Variants in NRAP observed in about 807,000 individuals in gnomAD.
NRAP encodes nebulin related anchoring protein.
Under a neutral mutation model 225.9 loss-of-function variants are expected in NRAP, and 189 were observed. That is an observed-to-expected ratio of 0.84 (90% confidence interval 0.74 to 0.94). The LOEUF is 0.94. Ranked by LOEUF, NRAP falls within the 40% of genes least tolerant of loss-of-function variation. NRAP has a pLI of 0.00. For missense variants in NRAP, 2,176 were observed against 2,168.7 expected, an observed-to-expected ratio of 1.00 and a Z score of -0.07; for synonymous variants, 769 against 790.7, an observed-to-expected ratio of 0.97 and a Z score of 0.46.
intron 8 of NRAP, 26 bp from the exon 9 acceptor site, chr10:113,650,167 G>T (rs78495522): frequency 1.4e-6 from 2 of 1,455,782 alleles, no homozygotes; most frequent in Non-Finnish European, 1.9e-6. Context: ...GGACAAACTC[G>T]GTGAATTTGA....
At position 113,634,079 on chromosome 10, in the gene NRAP, C is replaced by G. The variant is rs780725787; in HGVS notation, c.1527+33G>C. 39 of 1,456,690 alleles carry G rather than the reference C, an allele frequency of 2.7e-5. 1 individual carries two copies. The South Asian group carries it at 4.1e-4, about 15-fold the overall frequency. 90.2% of individuals were successfully genotyped at this position (1,456,690 alleles called of 1,614,324 possible). The stretch of plus-strand genomic sequence containing the variant: ...GCCTCAAAGCAGCAATTTCAAGACC[C>G]CTACATCCAGCTGGGCAGGGACAGT... On this transcript the variant is annotated intron_variant, in intron 15 of 41. Coordinates refer to ENST00000359988, the MANE Select transcript of NRAP (RefSeq NM_198060.4).
intron 14 of NRAP, among the ~76,000 whole-genome samples, chr10:113,639,730 T>C (rs918876281): frequency 2.0e-5 from 3 of 152,206 alleles, no homozygotes; most frequent in Admixed American, 2.0e-4. Context: ...AGCCAAACCA[T>C]AAATAAAATC....
intron 17 of NRAP, 116 bp downstream of exon 17, chr10:113,631,741 G>A (rs759873993): frequency 1.8e-5 from 16 of 891,012 alleles, no homozygotes; most frequent in Non-Finnish European, 2.9e-5. Context: ...TCCAGAAGAA[G>A]ATTAAAGTAT....
At chr10:113,611,355 T>G (rs113400260) in intron 30 of NRAP, among the ~76,000 whole-genome samples, 1 of 152,194 alleles carries the variant, frequency 6.6e-6, no homozygotes, top group Non-Finnish European at 1.5e-5. Flanking sequence ...TCGCAGGCAC[T>G]GCCAAACCAG....
chr10:113,615,494 T>G (rs184961457), intron 27 of NRAP, among the ~76,000 whole-genome samples: 1 of 152,198 alleles, frequency 6.6e-6, no homozygotes, highest in Non-Finnish European at 1.5e-5. Context: ...TTCTTTCAAA[T>G]GAGCTGGACT....
intron 5 of NRAP, 124 bp from the exon 6 acceptor site, chr10:113,653,163 A>G: frequency 1.7e-6 from 1 of 589,712 alleles, no homozygotes. Context: ...AATCACCTGT[A>G]ATAAATTTAA....
In NRAP at chr10:113,652,922, C is replaced by G; in HGVS notation, c.570+13G>C. 6.3e-7 allele frequency: 1 copy of G among 1,584,638 alleles called. No homozygotes were observed. The highest frequency in any genetic ancestry group is 1.1e-5 in the South Asian group (1 of 89,384). ...TAGCATAATCAATGGTGAAAAAGCA[C>G]CCAGGCACTCACTTGGCTGGCCAGC... On this transcript the variant is annotated intron_variant, in intron 6 of 41. Transcript: ENST00000359988.
At position 113,617,354 on chromosome 10, in the gene NRAP, G is replaced by GGACA; in HGVS notation, c.2973+97_2973+100dup. On this transcript the variant is annotated intron_variant, in intron 26 of 41. Transcript: ENST00000359988. ...AGGACAGGGAGCGCCTTCATCCTTA[G>GGACA]GACAACAGAAGGAGCAAACCCAAGA... 5 of 771,188 alleles carry GGACA rather than the reference G, an allele frequency of 6.5e-6. 1 individual carries two copies. In the South Asian group the frequency reaches 7.6e-5, roughly 12 times the overall value. 47.8% of individuals were successfully genotyped at this position (771,188 alleles called of 1,614,324 possible). A position where few individuals can be genotyped will look rare whatever the true frequency, so the allele number is the denominator to read the frequency against.
chr10:113,623,697 GCA>G, intron 22 of NRAP, 61 bp from the exon 23 acceptor site: 1 of 1,048,184 alleles, frequency 9.5e-7, no homozygotes. Flanking sequence ...TCACGTGAGA[GCA>G]TTTCTCTAGA....
intron 18 of NRAP, among the ~76,000 whole-genome samples, chr10:113,631,203 C>T (rs1024317970): frequency 6.6e-6 from 1 of 152,190 alleles, no homozygotes; most frequent in African/African-American, 2.4e-5. Flanking sequence ...GGGTCTCGAC[C>T]AGTGTCTTGC....
intron 20 of NRAP, among the ~76,000 whole-genome samples, chr10:113,627,154 A>G (rs1298649932): frequency 6.6e-6 from 1 of 152,244 alleles, no homozygotes; most frequent in Non-Finnish European, 1.5e-5. Flanking sequence ...AAAGTTCTAG[A>G]GAAAACATTC....
rs1426552692 is a variant in NRAP, at chr10:113,624,873, C to T, written c.2302G>A (p.Glu768Lys). Residue 768 changes from glutamate to lysine, a missense_variant, in exon 22 of 42, where the codon GAG (glutamate) becomes AAG (lysine). This residue lies in a region of NRAP where 1,708 missense variants were observed against 1,695.5 expected (regional missense o/e 1.01). Coordinates refer to ENST00000359988, the MANE Select transcript of NRAP (RefSeq NM_198060.4). ...SVHQYTISKDEPLFLQARANA... is the reference protein window; with the variant it reads ...SVHQYTISKDKPLFLQARANA... ...GCTCGGGCCTGCAGGAAGAGAGGCTCGTCTTTGCTGATGGTATACTGATGG... is the reference window on the plus strand; with the variant it reads ...GCTCGGGCCTGCAGGAAGAGAGGCTTGTCTTTGCTGATGGTATACTGATGG... 4.3e-6 allele frequency: 7 copies of T among 1,613,980 alleles called. No homozygotes were observed. Among genetic ancestry groups the T allele is most frequent in the East Asian group, 2.2e-5 (1 of 44,890 alleles).
At chr10:113,654,765 G>A (rs867530437) in intron 4 of NRAP, among the ~76,000 whole-genome samples, 6 of 152,160 alleles carry the variant, frequency 3.9e-5, no homozygotes, top group Non-Finnish European at 5.9e-5. Context: ...AAGGGAGAAC[G>A]AATGGCATCC....
chr10:113,634,093 G>T lies in NRAP; in HGVS notation c.1527+19C>A, dbSNP rs1178420008. ...ATTTCAAGACCCCTACATCCAGCTG[G>T]GCAGGGACAGTTACTTACATGACTC... On this transcript the variant is annotated intron_variant, in intron 15 of 41. Transcript: ENST00000359988. 9.0e-6 allele frequency: 14 copies of T among 1,556,280 alleles called. No individual in the cohort carries two copies. The Admixed American group carries it at 2.3e-4, about 26-fold the overall frequency.
At position 113,626,133 on chromosome 10, in the gene NRAP, G is replaced by A; in HGVS notation, c.2158C>T (p.Gln720Ter). 1.9e-6 allele frequency: 3 copies of A among 1,606,146 alleles called. No individual in the cohort carries two copies. Among genetic ancestry groups the A allele is most frequent in the Non-Finnish European group, 2.6e-6 (3 of 1,176,366 alleles). Reference protein sequence around the residue: ...GQLVSEKNYRQRVDELKFTSV... With the variant: ...GQLVSEKNYR ...GTGAACTTCAGCTCATCGACCCTCT[G>A]CCGGTAGTTTTTCTGTTTCCAAAGG... Residue 720 changes from glutamine (Q) to a stop codon, truncating the protein, a stop_gained, in exon 21 of 42, where the codon CAG becomes TAG. Transcript: ENST00000359988. LOFTEE classifies it high-confidence loss of function.
At position 113,643,030 on chromosome 10, in the gene NRAP, A is replaced by G; in HGVS notation, c.1119T>C (p.Tyr373=). The G allele has an allele frequency of 6.5e-7, 1 of 1,540,424 alleles. No individual in the cohort carries two copies. Reference sequence around the variant, plus strand: ...CTCTACTACTTTCCAGATCCTTCTTATACTCCACCTTGGAAATCAAAACAC... The same window carrying G: ...CTCTACTACTTTCCAGATCCTTCTTGTACTCCACCTTGGAAATCAAAACAC... ...SVNKLVSEVE[Y]KKDLESSRGH... is the part of the protein sequence containing the mutation. Residue 373 remains tyrosine, a synonymous_variant, in exon 12 of 42, where the codon TAT becomes TAC. Transcript: ENST00000359988.
At chr10:113,616,658 G>T (rs755133175) in intron 26 of NRAP, among the ~76,000 whole-genome samples, 31 of 152,146 alleles carry the variant, frequency 2.0e-4, no homozygotes, top group Non-Finnish European at 3.4e-4. Flanking sequence ...CAAATAAAGC[G>T]CAACCAGAAT....
chr10:113,617,429 C>G, intron 26 of NRAP, 26 bp downstream of exon 26: 16 of 1,272,760 alleles, frequency 1.3e-5, no homozygotes, highest in Non-Finnish European at 1.8e-5. Flanking sequence ...CTCTTAGAGT[C>G]ATAATGTATA....
Position 113,647,585 on chromosome 10 carries a change from CTTCCTCCCCT to C in NRAP, c.889-568_889-559del, listed in dbSNP as rs1299598516. 8.8e-4 allele frequency among the ~76,000 whole-genome samples: 114 copies of C among 128,926 alleles called. 5 individuals carry two copies. The highest frequency in any genetic ancestry group is 1.9e-3 in the South Asian group (7 of 3,680). 84.6% of individuals were successfully genotyped at this position (128,926 alleles called of 152,430 possible). A position where few individuals can be genotyped will look rare whatever the true frequency, so the allele number is the denominator to read the frequency against. On this transcript the variant is annotated intron_variant, in intron 9 of 41. Transcript: ENST00000359988. Reference sequence around the variant, plus strand: ...AGTGGTACTGCCTCCCCTGGTGGTACTTCCTCCCCTAGTGGTACTGTCTCCCCCGGTGGTA... The same window carrying C: ...AGTGGTACTGCCTCCCCTGGTGGTACAGTGGTACTGTCTCCCCCGGTGGTA...
Sources: allele counts gnomAD v4.1 joint callset (sites outside exome capture counted in the v4.1 genomes callset), GRCh38; gene constraint gnomAD v4.1.1; regional missense constraint gnomAD v4.1.1; transcripts MANE v1.5; gene names NCBI Gene and HGNC (gene_info 2026-07-23, HGNC 2026-07-21).